Variants in B3GAT1 observed in about 807,000 individuals in gnomAD.
B3GAT1 encodes the protein beta-1,3-glucuronyltransferase 1, also known as galactosylgalactosylxylosylprotein 3-beta-glucuronosyltransferase 1.
B3GAT1 carries 11 observed loss-of-function variants against 28.4 expected under a neutral mutation model. The ratio of observed to expected loss-of-function variants is 0.39; its 90% CI spans 0.24 to 0.64. B3GAT1 has a LOEUF of 0.64. B3GAT1 is among the 30% of genes least tolerant of loss of function. The pLI, the probability that B3GAT1 is intolerant of heterozygous loss-of-function variation, is 0.50. For missense variants in B3GAT1, 375 were observed against 491.0 expected, an observed-to-expected ratio of 0.76 and a Z score of 2.23; for synonymous variants, 255 against 223.1, an observed-to-expected ratio of 1.14 and a Z score of -1.27.
At chr11:134,403,413 C>G (rs976474254) in intron 1 of B3GAT1, among the ~76,000 whole-genome samples, 2 of 152,204 alleles carry the variant, frequency 1.3e-5, no homozygotes, top group Non-Finnish European at 2.9e-5. Flanking sequence ...GCCAGGTACA[C>G]TCAGCCCAGG....
Position 134,384,144 on chromosome 11 carries a change from G to T in B3GAT1, c.157C>A (p.Pro53Thr). 1 of 1,566,674 alleles carries T rather than the reference G, an allele frequency of 6.4e-7. No individual in the cohort carries two copies. The highest frequency in any genetic ancestry group is 8.7e-7 in the Non-Finnish European group (1 of 1,155,900). The change falls in exon 3 of 6, where the codon CCC becomes ACC. Residue 53 changes from proline (P) to threonine (T), a missense_variant. By Grantham distance (38) the Pro-to-Thr change is conservative. Transcript: ENST00000312527. ...CGGTCAGACGTGCAGTACTCCCTGG[G>T]GTCGGCGCCGGGCGGCGTTTCGCGT... ...PRRETPPGAD[P>T]REYCTSDRDI...
intron 1 of B3GAT1, among the ~76,000 whole-genome samples, chr11:134,405,095 T>TGG (rs531836192): frequency 9.9e-5 from 15 of 152,080 alleles, no homozygotes; most frequent in African/African-American, 3.4e-4. Context: ...CAAGCAGGGC[T>TGG]GGGGGGGTGA....
intron 1 of B3GAT1, among the ~76,000 whole-genome samples, chr11:134,404,033 A>ATTTAT (rs1555098489): frequency 9.0e-6 from 1 of 110,834 alleles, no homozygotes; most frequent in Non-Finnish European, 1.8e-5. Flanking sequence ...ATATATATTT[A>ATTTAT]TTATACGTTA....
chr11:134,406,062 C>T (rs1276262483), intron 1 of B3GAT1, among the ~76,000 whole-genome samples: 1 of 152,256 alleles, frequency 6.6e-6, no homozygotes, highest in East Asian at 1.9e-4. Flanking sequence ...GTCTGTGGCA[C>T]AGTGAGTTGC....
At chr11:134,401,979 G>GA (rs202012519) in intron 1 of B3GAT1, among the ~76,000 whole-genome samples, 1 of 101,502 alleles carries the variant, frequency 9.9e-6, no homozygotes, top group African/African-American at 3.7e-5. Context: ...GCGGGGGGGG[G>GA]CGGGCAGCCT....
chr11:134,408,329 G>T (rs1944776570), intron 1 of B3GAT1, among the ~76,000 whole-genome samples: 1 of 104,652 alleles, frequency 9.6e-6, no homozygotes, highest in African/African-American at 4.1e-5. Flanking sequence ...GTGGGGTGAG[G>T]AGGGAGGTGG....
At chr11:134,402,229 C>T (rs1163068250) in intron 1 of B3GAT1, among the ~76,000 whole-genome samples, 2 of 152,176 alleles carry the variant, frequency 1.3e-5, no homozygotes, top group Non-Finnish European at 2.9e-5. Flanking sequence ...AGAGTCAAGT[C>T]GCGGGTATGC....
chr11:134,398,970 T>C (rs1944557406), intron 1 of B3GAT1, among the ~76,000 whole-genome samples: 1 of 152,204 alleles, frequency 6.6e-6, no homozygotes, highest in African/African-American at 2.4e-5. Context: ...AGGTCTGTTC[T>C]GGGTGCGGTG....
At chr11:134,383,580 T>A in intron 3 of B3GAT1, 100 bp downstream of exon 3, 1 of 1,403,072 alleles carries the variant, frequency 7.1e-7, no homozygotes, top group South Asian at 1.5e-5. Context: ...CTTCCCGGGT[T>A]CCCCCTGCGC....
In B3GAT1 at chr11:134,402,538, C is replaced by T. The variant is rs1283425802; in HGVS notation, c.-282+9269G>A. ...AGGGCTCCCCCACCTCCCTCTGTTA[C>T]ACCTGCCCTGCCCCTAAGGTCCCTC... On this transcript the variant is annotated intron_variant, in intron 1 of 5. Transcript: ENST00000312527. 3.3e-5 allele frequency among the ~76,000 whole-genome samples: 5 copies of T among 152,136 alleles called. No homozygotes were observed. In the East Asian group the frequency reaches 9.6e-4, roughly 29 times the overall value.
chr11:134,388,056 C>A, intron 1 of B3GAT1, 116 bp from the exon 2 acceptor site: 1 of 411,196 alleles, frequency 2.4e-6, no homozygotes, highest in East Asian at 6.9e-5. Flanking sequence ...GGAGCCTCAA[C>A]TGTCCATCAC....
At chr11:134,399,570 C>T (rs568342343) in intron 1 of B3GAT1, among the ~76,000 whole-genome samples, 5 of 152,360 alleles carry the variant, frequency 3.3e-5, no homozygotes, top group South Asian at 2.1e-4. Context: ...GCACTGACCT[C>T]CCCTTTTGCC....
chr11:134,388,570 C>T (rs1040983062), intron 1 of B3GAT1: 10 of 153,896 alleles, frequency 6.5e-5, no homozygotes, highest in African/African-American at 2.2e-4. Context: ...ATCCCGCTGC[C>T]CAGGTATGAG....
chr11:134,401,318 T>G (rs538028153), intron 1 of B3GAT1, among the ~76,000 whole-genome samples: 2 of 152,292 alleles, frequency 1.3e-5, no homozygotes, highest in South Asian at 4.1e-4. Flanking sequence ...AGGGAACTGA[T>G]GGAATCAAGC....
At position 134,387,681 on chromosome 11, in the gene B3GAT1, C is replaced by G. The variant is rs369890603; in HGVS notation, c.-22G>C. The G allele has an allele frequency of 6.2e-7, 1 of 1,613,584 alleles. No homozygotes were observed. The highest frequency in any genetic ancestry group is 1.7e-5 in the Admixed American group (1 of 59,954). ...GCATCTCCAAGGCTGGCTGCACCCA[C>G]GGCTCCTCATTACCTGAGTGGCGGT... On this transcript the variant is annotated 5_prime_UTR_variant, in exon 2 of 6. Transcript: ENST00000312527.
At chr11:134,407,856 G>A (rs75184941) in intron 1 of B3GAT1, among the ~76,000 whole-genome samples, 22,390 of 152,130 alleles carry the variant, frequency 0.15, 1,771 homozygotes, top group African/African-American at 0.17. Context: ...CTCCAACACC[G>A]TAAGTGCTTG....
Position 134,384,153 on chromosome 11 carries a change from C to A in B3GAT1, c.148G>T (p.Gly50Cys), listed in dbSNP as rs1198973555. 5 of 1,559,820 alleles carry A rather than the reference C, an allele frequency of 3.2e-6. No homozygotes were observed. Among genetic ancestry groups the A allele is most frequent in the Non-Finnish European group, 4.3e-6 (5 of 1,152,628 alleles). The stretch of plus-strand genomic sequence containing the variant: ...GTGCAGTACTCCCTGGGGTCGGCGC[C>A]GGGCGGCGTTTCGCGTCGGGGGTCA... The part of the protein sequence containing the change: ...GSDPRRETPP[G>C]ADPREYCTSD... The change falls in exon 3 of 6, where the codon GGC becomes TGC. Residue 50 changes from glycine (G) to cysteine (C), a missense_variant. Gly to Cys is a radical substitution (Grantham distance 159). Coordinates refer to ENST00000312527, the MANE Select transcript of B3GAT1 (RefSeq NM_054025.3).
rs1403930568 is a variant in B3GAT1 at position 134,382,826 on chromosome 11, G to A, written c.802C>T (p.Arg268Ter). The change falls in exon 4 of 6, where the codon CGA (arginine) becomes TGA (stop). Residue 268 changes from arginine (R) to a stop codon, truncating the protein, a stop_gained. Transcript: ENST00000312527. LOFTEE classifies it high-confidence loss of function. ...FAVNLRLILQ[R>*]SQAYFKLRGV... ...CGCAGCTTGAAGTAGGCCTGGCTTC[G>A]CTGCAGAATGAGCCGCAGGTTGACG... The A allele has an allele frequency of 1.2e-6, 2 of 1,614,076 alleles. No individual in the cohort carries two copies. The highest frequency in any genetic ancestry group is 1.7e-6 in the Non-Finnish European group (2 of 1,180,028).
intron 2 of B3GAT1, 149 bp from the exon 3 acceptor site, chr11:134,384,337 T>C: frequency 1.9e-6 from 2 of 1,075,240 alleles, no homozygotes; most frequent in Non-Finnish European, 2.6e-6. Flanking sequence ...ACCTGTTAGC[T>C]CTAAGGTTGA....
Sources: allele counts gnomAD v4.1 joint callset (sites outside exome capture counted in the v4.1 genomes callset), GRCh38; gene constraint gnomAD v4.1.1; transcripts MANE v1.5; gene names NCBI Gene and HGNC (gene_info 2026-07-23, HGNC 2026-07-21).